SUMF1: variants seen among roughly 807,000 people sequenced by gnomAD.
The protein encoded by SUMF1 is sulfatase modifying factor 1, also known as formylglycine-generating enzyme.
In SUMF1, 48 loss-of-function variants were observed where a neutral mutation model predicts 47.6. That is an observed-to-expected ratio of 1.01 (90% CI 0.80 to 1.28). SUMF1 has a LOEUF of 1.28. Among genes scored for constraint, SUMF1 ranks in the 50% most tolerant of loss-of-function variants. The pLI is 0.00. For missense variants in SUMF1, 571 were observed against 485.4 expected (o/e 1.18, Z -1.66); for synonymous variants, 230 against 192.1 (o/e 1.20, Z -1.63).
rs371455772 is a variant in SUMF1, at chr3:4,176,598, A to C, written c.1015-107853T>G. 9.2e-5 allele frequency among the ~76,000 whole-genome samples: 14 copies of C among 152,370 alleles called. 3 individuals are homozygous for C. Among genetic ancestry groups the C allele is most frequent in the Admixed American group, 6.5e-5 (1 of 15,310 alleles). ...ACTGAAAAAACAGGCCAAATTGTAA[A>C]GACCATCGATGATAGAAAGAAACTA... is the stretch of plus-strand genomic sequence containing the variant. On this transcript the variant is annotated intron_variant and NMD_transcript_variant, in intron 8 of 12. Coordinates refer to the SUMF1 transcript ENST00000448413.
intron 8 of SUMF1, among the ~76,000 whole-genome samples, chr3:4,321,482 A>AAG (rs1553555990): frequency 6.7e-6 from 1 of 150,320 alleles, no homozygotes; most frequent in Non-Finnish European, 1.5e-5. Flanking sequence ...AAAAAAAAAA[A>AAG]AAAAAAAAAA....
At chr3:4,165,551 T>G (rs1000082673) in intron 8 of SUMF1, among the ~76,000 whole-genome samples, 1 of 152,110 alleles carries the variant, frequency 6.6e-6, no homozygotes, top group African/African-American at 2.4e-5. Context: ...TGCATAGTTG[T>G]GGATTATCTT....
chr3:4,073,013 A>G (rs1242620953), intron 8 of SUMF1, among the ~76,000 whole-genome samples: 1 of 152,200 alleles, frequency 6.6e-6, no homozygotes, highest in Admixed American at 6.5e-5. Flanking sequence ...CGAGAAGAGC[A>G]ACCCAAAGAG....
chr3:4,361,390 A>G lies in SUMF1; in HGVS notation c.*754T>C, dbSNP rs780927062. 4.3e-4 allele frequency: 66 copies of G among 152,656 alleles called. No individual in the cohort carries two copies. Among genetic ancestry groups the G allele is most frequent in the Non-Finnish European group, 2.1e-4 (14 of 68,104 alleles). 9.5% of individuals were successfully genotyped at this position (152,656 alleles called of 1,614,324 possible). On this transcript the variant is annotated 3_prime_UTR_variant, in exon 9 of 9. Transcript: ENST00000272902. Reference sequence around the variant, plus strand: ...ACAGAGCTTATGACTGCCCCTCTGAACCAAAGGCACTTAATGTTAAAAGAT... The same window carrying G: ...ACAGAGCTTATGACTGCCCCTCTGAGCCAAAGGCACTTAATGTTAAAAGAT...
rs182526224 is a variant in SUMF1, at chr3:4,267,529, T to G, written c.1014+108801A>C. ...TATTTGCATAGAGGTGTTTGTAGTA[T>G]TCTCTGATGGTAGTTTGTATTTCTG... On this transcript the variant is annotated intron_variant and NMD_transcript_variant, in intron 8 of 12. Coordinates refer to the SUMF1 transcript ENST00000448413. 9.1e-4 allele frequency among the ~76,000 whole-genome samples: 139 copies of G among 152,332 alleles called. 1 individual carries two copies. Among genetic ancestry groups the G allele is most frequent in the Admixed American group, 5.3e-3 (81 of 15,300 alleles).
intron 8 of SUMF1, among the ~76,000 whole-genome samples, chr3:4,258,456 A>G (rs1353078112): frequency 3.0e-5 from 4 of 132,434 alleles, no homozygotes; most frequent in Non-Finnish European, 4.9e-5. Context: ...GGCAAAGGAC[A>G]TGAGCAGACA....
At chr3:4,067,959 C>T (rs955891014) in intron 9 of SUMF1, among the ~76,000 whole-genome samples, 1 of 152,012 alleles carries the variant, frequency 6.6e-6, no homozygotes, top group Admixed American at 6.6e-5. Flanking sequence ...AACTAAGAGT[C>T]CAAAAAGCAA....
chr3:4,256,710 C>T (rs1381729524), intron 8 of SUMF1, among the ~76,000 whole-genome samples: 2 of 152,164 alleles, frequency 1.3e-5, no homozygotes, highest in African/African-American at 4.8e-5. Context: ...GGTACCATTC[C>T]TTCTGAAACT....
intron 8 of SUMF1, among the ~76,000 whole-genome samples, chr3:4,145,358 T>G (rs1417746815): frequency 6.6e-6 from 1 of 152,034 alleles, no homozygotes; most frequent in Non-Finnish European, 1.5e-5. Context: ...CTCTAGCAAA[T>G]TTTCTTCCAG....
chr3:4,463,305 C>T (rs577014369), intron 1 of SUMF1, among the ~76,000 whole-genome samples: 5 of 152,266 alleles, frequency 3.3e-5, no homozygotes, highest in African/African-American at 7.2e-5. Flanking sequence ...TCCTGGCCAA[C>T]GTGGTAAAAC....
At chr3:4,429,782 G>A (rs1396487688) in intron 3 of SUMF1, among the ~76,000 whole-genome samples, 2 of 152,050 alleles carry the variant, frequency 1.3e-5, no homozygotes, top group Non-Finnish European at 2.9e-5. Flanking sequence ...TCAGCCCACA[G>A]CCACAAGAAC....
intron 1 of SUMF1, among the ~76,000 whole-genome samples, chr3:4,458,965 A>C (rs2079739818): frequency 6.6e-6 from 1 of 152,186 alleles, no homozygotes; most frequent in African/African-American, 2.4e-5. Flanking sequence ...TGCCTTGATG[A>C]TCTCACTCAT....
chr3:4,239,921 T>C (rs1372647377), intron 8 of SUMF1, among the ~76,000 whole-genome samples: 1 of 152,078 alleles, frequency 6.6e-6, no homozygotes, highest in African/African-American at 2.4e-5. Flanking sequence ...CATAAATAGC[T>C]AGTATTTTGA....
Position 4,067,489 on chromosome 3 carries a change from G to A in SUMF1, c.1191+1080C>T, listed in dbSNP as rs143152820. On this transcript the variant is annotated intron_variant and NMD_transcript_variant, in intron 9 of 12. Transcript: ENST00000448413. ...TGATAATGCCAATGAATTCCATCAGGCTAACTTGACTATGTCATACCTTTT... is the reference window on the plus strand; with the variant it reads ...TGATAATGCCAATGAATTCCATCAGACTAACTTGACTATGTCATACCTTTT... Among the ~76,000 whole-genome samples, 28 of 152,240 alleles carry A rather than the reference G, an allele frequency of 1.8e-4. No individual in the cohort carries two copies. The East Asian group carries it at 4.8e-3, about 26-fold the overall frequency.
rs558730742 is a variant in SUMF1, at chr3:4,296,613, A to G, written c.1014+79717T>C. On this transcript the variant is annotated intron_variant and NMD_transcript_variant, in intron 8 of 12. Transcript: ENST00000448413. ...TCAGATCTCATGAGACTTACTCACT[A>G]TCAGGAGAAAAGCCCAACCCCCTGA... 7.2e-5 allele frequency among the ~76,000 whole-genome samples: 11 copies of G among 152,268 alleles called. No homozygotes were observed. The South Asian group carries it at 1.7e-3, about 23-fold the overall frequency.
intron 3 of SUMF1, among the ~76,000 whole-genome samples, chr3:4,422,830 G>C (rs9822821): frequency 0.65 from 97,935 of 151,618 alleles, 32,307 homozygotes; most frequent in East Asian, 0.98. Context: ...AGGTTTCTGA[G>C]GAACAGGTGG....
intron 8 of SUMF1, among the ~76,000 whole-genome samples, chr3:4,100,116 C>A (rs912206524): frequency 5.3e-5 from 8 of 150,430 alleles, no homozygotes; most frequent in African/African-American, 2.0e-4. Context: ...CTATAGTAAC[C>A]AAAGCAATCT....
chr3:4,305,014 G>C (rs1698130838), intron 8 of SUMF1, among the ~76,000 whole-genome samples: 1 of 151,986 alleles, frequency 6.6e-6, no homozygotes, highest in African/African-American at 2.4e-5. Flanking sequence ...AATTTTTCTG[G>C]TTAACAATTT....
At chr3:4,227,085 T>C (rs1243266693) in intron 8 of SUMF1, among the ~76,000 whole-genome samples, 1 of 152,098 alleles carries the variant, frequency 6.6e-6, no homozygotes, top group East Asian at 1.9e-4. Context: ...CCTGCCCCAT[T>C]CTAGCCCTCA....
Sources: gnomAD v4.1 joint callset for allele counts (sites outside exome capture counted in the v4.1 genomes callset) on GRCh38, gnomAD v4.1.1 for gene constraint, MANE v1.5 for transcripts, NCBI Gene and HGNC (gene_info 2026-07-23, HGNC 2026-07-21) for gene names.